The following RYR1 variants were observed in gnomAD, a reference collection of about 807,000 sequenced individuals.
RYR1 encodes the protein ryanodine receptor 1.
A neutral mutation model predicts 583.5 loss-of-function variants in RYR1; 342 were observed. That is an observed-to-expected ratio of 0.59 (90% CI 0.54 to 0.64). RYR1 has a LOEUF of 0.64. RYR1 is among the 30% of genes least tolerant of loss of function. The pLI is 0.00. For missense variants in RYR1, 6,032 were observed against 6,917.2 expected, an observed-to-expected ratio of 0.87 and a Z score of 4.54; for synonymous variants, 2,791 against 2,822.5, an observed-to-expected ratio of 0.99 and a Z score of 0.35.
intron 31 of RYR1, among the ~76,000 whole-genome samples, chr19:38,479,800 C>T (rs190630426): frequency 9.2e-5 from 14 of 152,106 alleles, no homozygotes; most frequent in African/African-American, 3.4e-4. Flanking sequence ...ACTGCAGCCA[C>T]AACCTTCCTG....
chr19:38,561,107 C>T lies in RYR1; in HGVS notation c.12283-6C>T. 2 of 1,614,024 alleles carry T rather than the reference C, an allele frequency of 1.2e-6. No homozygotes were observed. Among genetic ancestry groups the T allele is most frequent in the Non-Finnish European group, 1.7e-6 (2 of 1,179,966 alleles). On this transcript the variant is annotated splice_region_variant and splice_polypyrimidine_tract_variant and intron_variant, in intron 89 of 105. Coordinates refer to ENST00000359596, the MANE Select transcript of RYR1 (RefSeq NM_000540.3). This position sits in a 1 kb window ranked among gnomAD's most constrained non-coding sequence, Gnocchi z 4.8. Reference sequence around the variant, plus strand: ...TCACCCCACTGACCTCCCTGCCCGCCCCCAGGCCATGGACAGCCAGAAGCA... The same window carrying T: ...TCACCCCACTGACCTCCCTGCCCGCTCCCAGGCCATGGACAGCCAGAAGCA...
chr19:38,538,996 G>A (rs941223349), intron 84 of RYR1, among the ~76,000 whole-genome samples: 12 of 152,106 alleles, frequency 7.9e-5, no homozygotes, highest in South Asian at 6.2e-4. Context: ...CAGACTACCC[G>A]GAAATCAACT....
At chr19:38,553,052 G>C (rs935431000) in intron 89 of RYR1, among the ~76,000 whole-genome samples, 2 of 152,078 alleles carry the variant, frequency 1.3e-5, no homozygotes, top group African/African-American at 4.8e-5. Flanking sequence ...CAAAATATAG[G>C]CTGGGCACAG....
chr19:38,564,223 T>A (rs886398838), intron 90 of RYR1, among the ~76,000 whole-genome samples: 4 of 151,800 alleles, frequency 2.6e-5, no homozygotes, highest in African/African-American at 7.3e-5. Context: ...TGCAAAAAAA[T>A]TTTTTTTAGA....
chr19:38,564,736 G>A (rs1207673409), intron 90 of RYR1, among the ~76,000 whole-genome samples: 11 of 152,098 alleles, frequency 7.2e-5, no homozygotes, highest in Admixed American at 7.2e-4. Context: ...GGCTGGTCTC[G>A]AACTCCTGAC....
chr19:38,578,594 A>G (rs1454744009), intron 99 of RYR1, among the ~76,000 whole-genome samples: 1 of 152,076 alleles, frequency 6.6e-6, no homozygotes, highest in Non-Finnish European at 1.5e-5. Flanking sequence ...GCACTTTGGG[A>G]GGCCGAGGCA....
chr19:38,492,889 T>C (rs1969621605), intron 38 of RYR1, among the ~76,000 whole-genome samples: 1 of 151,908 alleles, frequency 6.6e-6, no homozygotes, highest in African/African-American at 2.4e-5. Context: ...GCCAACATGG[T>C]GAAACCCCCT....
chr19:38,468,708 T>C (rs866330553), intron 25 of RYR1, among the ~76,000 whole-genome samples: 2 of 152,218 alleles, frequency 1.3e-5, no homozygotes, highest in South Asian at 2.1e-4. Flanking sequence ...GTCTGCATAA[T>C]GCTAGCCATG....
At chr19:38,435,307 C>T (rs1568427191) in intron 1 of RYR1, among the ~76,000 whole-genome samples, 1 of 152,200 alleles carries the variant, frequency 6.6e-6, no homozygotes, top group African/African-American at 2.4e-5. Context: ...ATTGCCTTCA[C>T]CAGAGAAAAT....
chr19:38,510,023 C>G (rs1188609214), intron 58 of RYR1, among the ~76,000 whole-genome samples: 3 of 152,076 alleles, frequency 2.0e-5, no homozygotes, highest in Non-Finnish European at 4.4e-5. Flanking sequence ...AGGGTTTGAT[C>G]AAGGAGTTGT....
chr19:38,530,983 T>TTC lies in RYR1; in HGVS notation c.11142-1503_11142-1502dup, dbSNP rs779633741. On this transcript the variant is annotated intron_variant, in intron 76 of 105. Coordinates refer to ENST00000359596, the MANE Select transcript of RYR1 (RefSeq NM_000540.3). Reference sequence around the variant, plus strand: ...ATGCCCAGCTATTTTTCTTTTTTCTTTCTCTTTTTTTTTTTTTTTTTTGTA... The same window carrying TTC: ...ATGCCCAGCTATTTTTCTTTTTTCTTTCTCTCTTTTTTTTTTTTTTTTTTGTA... 7.1e-5 allele frequency among the ~76,000 whole-genome samples: 10 copies of TTC among 141,314 alleles called. No homozygotes were observed. The East Asian group carries it at 8.2e-4, about 12-fold the overall frequency. The allele number at this position is 141,314 out of a possible 152,430, so 92.7% of individuals were successfully genotyped here.
Position 38,587,307 on chromosome 19 carries a change from T to G in RYR1, c.15022-18T>G. 6.4e-7 allele frequency: 1 copy of G among 1,568,332 alleles called. No homozygotes were observed. The highest frequency in any genetic ancestry group is 8.8e-7 in the Non-Finnish European group (1 of 1,138,352). On this transcript the variant is annotated intron_variant, in intron 105 of 105. Transcript: ENST00000359596. The stretch of plus-strand genomic sequence containing the variant: ...TTTGAAGATGTGACCAATGAACTCT[T>G]TCTATCCCCAATCCTAGGAGTCTTA...
At position 38,512,650 on chromosome 19, in the gene RYR1, G is replaced by A. The variant is rs535488284; in HGVS notation, c.9472+167G>A. On this transcript the variant is annotated intron_variant, in intron 63 of 105. Coordinates refer to ENST00000359596, the MANE Select transcript of RYR1 (RefSeq NM_000540.3). This position sits in a 1 kb window ranked among gnomAD's most constrained non-coding sequence, Gnocchi z 5.1. Reference sequence around the variant, plus strand: ...GTGGCAAATGAGTTAATGAGGACGCGAGCTCAGCAGCTCTAACAAAAGACC... The same window carrying A: ...GTGGCAAATGAGTTAATGAGGACGCAAGCTCAGCAGCTCTAACAAAAGACC... 4.6e-5 allele frequency among the ~76,000 whole-genome samples: 7 copies of A among 152,086 alleles called. No individual in the cohort carries two copies. Among genetic ancestry groups the A allele is most frequent in the African/African-American group, 1.2e-4 (5 of 41,410 alleles).
chr19:38,565,509 A>C lies in RYR1; in HGVS notation c.13175A>C (p.His4392Pro). The C allele has an allele frequency of 6.6e-7, 1 of 1,503,990 alleles. No individual in the cohort carries two copies. The highest frequency in any genetic ancestry group is 8.8e-7 in the Non-Finnish European group (1 of 1,133,864). 93.2% of individuals were successfully genotyped at this position (1,503,990 alleles called of 1,614,324 possible). The change falls in exon 91 of 106, where the codon CAC (histidine) becomes CCC (proline). Residue 4392 changes from histidine (H) to proline (P), a missense_variant. Transcript: ENST00000359596. This position sits in a 1 kb window ranked among gnomAD's most constrained non-coding sequence, Gnocchi z 4.7. Reference protein sequence around the residue: ...GMPDPTSDEVHGEQPAGPGGD... With the variant: ...GMPDPTSDEVPGEQPAGPGGD... The stretch of plus-strand genomic sequence containing the variant: ...CCCGACCCCACCAGCGACGAGGTGC[A>C]CGGCGAGCAGCCGGCCGGGCCGGGC...
chr19:38,525,169 T>G (rs999835537), intron 70 of RYR1, among the ~76,000 whole-genome samples, 163 bp from the exon 71 acceptor site: 4 of 151,846 alleles, frequency 2.6e-5, no homozygotes, highest in African/African-American at 9.7e-5. Flanking sequence ...GGGCCTGAAG[T>G]GTAGAGTCAG....
At chr19:38,460,337 C>A (rs1362733919) in intron 19 of RYR1, 38 bp from the exon 20 acceptor site, 2 of 1,576,926 alleles carry the variant, frequency 1.3e-6, no homozygotes, top group Non-Finnish European at 1.7e-6. Context: ...TCCCCCATAA[C>A]CTCCCCTCAA....
chr19:38,574,491 C>T (rs1973869818), intron 96 of RYR1, among the ~76,000 whole-genome samples: 1 of 151,552 alleles, frequency 6.6e-6, no homozygotes, highest in African/African-American at 2.4e-5. Context: ...GACATGCTAG[C>T]CTGGCTAGCG....
At chr19:38,582,242 A>G (rs1047941498) in intron 101 of RYR1, among the ~76,000 whole-genome samples, 2 of 152,068 alleles carry the variant, frequency 1.3e-5, no homozygotes, top group Non-Finnish European at 2.9e-5. Flanking sequence ...TACTAAAAAT[A>G]CAAAATTAGC....
chr19:38,433,711 G>C lies in RYR1; in HGVS notation c.-119G>C. On this transcript the variant is annotated 5_prime_UTR_variant, in exon 1 of 106. Transcript: ENST00000359596. ...TCCTCGCAGTTCCATCTACCTCGCGGGTGCCTCTGGTGTCTCCAGAGGTCT... is the reference window on the plus strand; with the variant it reads ...TCCTCGCAGTTCCATCTACCTCGCGCGTGCCTCTGGTGTCTCCAGAGGTCT... 1.3e-6 allele frequency: 1 copy of C among 776,882 alleles called. No homozygotes were observed. The highest frequency in any genetic ancestry group is 2.2e-6 in the Non-Finnish European group (1 of 448,662). 48.1% of individuals were successfully genotyped at this position (776,882 alleles called of 1,614,324 possible).
Sources: gnomAD v4.1 joint callset for allele counts (sites outside exome capture counted in the v4.1 genomes callset) on GRCh38, gnomAD v4.1.1 for gene constraint, Gnocchi (gnomAD v3.1) non-coding constraint, MANE v1.5 for transcripts, NCBI Gene and HGNC (gene_info 2026-07-23, HGNC 2026-07-21) for gene names.